Variants in SORBS2 observed in about 807,000 individuals in gnomAD.
The protein encoded by SORBS2 is sorbin and SH3 domain containing 2, also known as sorbin and SH3 domain-containing protein 2.
Under a neutral mutation model 97.7 loss-of-function variants are expected in SORBS2, and 46 were observed. That is an observed-to-expected ratio of 0.47 (90% confidence interval 0.37 to 0.60). The LOEUF is 0.60. Ranked by LOEUF, SORBS2 falls within the 20% of genes least tolerant of loss-of-function variation. SORBS2 has a pLI of 0.00. For missense variants in SORBS2, 1,316 were observed against 1,282.3 expected (o/e 1.03, Z -0.40); for synonymous variants, 476 against 473.4 (o/e 1.01, Z -0.07).
At chr4:185,624,318 T>C (rs2096772968) in exon 7 of SORBS2, 1 of 1,614,078 alleles carries the variant, frequency 6.2e-7, no homozygotes, top group South Asian at 1.1e-5. Context: ...CTGCTCCAGA[T>C]TTCTGCGTTT....
At position 185,607,475 on chromosome 4, in the gene SORBS2, G is replaced by A. The variant is rs1436057705; in HGVS notation, c.2796+4305C>T. 2 of 411,872 alleles carry A rather than the reference G, an allele frequency of 4.9e-6. No homozygotes were observed. Among genetic ancestry groups the A allele is most frequent in the Admixed American group, 7.4e-5 (2 of 27,160 alleles). 25.5% of individuals were successfully genotyped at this position (411,872 alleles called of 1,614,324 possible). A position where few individuals can be genotyped will look rare whatever the true frequency, so the allele number is the denominator to read the frequency against. The stretch of plus-strand genomic sequence containing the variant: ...GTGGTGAATATGAAAATAATTTTAT[G>A]TTTAACATAGATTTGAAGACATTTA... On this transcript the variant is annotated intron_variant, in intron 12 of 14. Coordinates refer to ENST00000418609, the Ensembl canonical transcript of SORBS2. The surrounding 1 kb of genome is among the most constrained non-coding windows in gnomAD (Gnocchi z 5.2).
At position 185,726,820 on chromosome 4, in the gene SORBS2, A is replaced by C. The variant is rs149339937; in HGVS notation, c.-197-47998T>G. 7.7e-4 allele frequency among the ~76,000 whole-genome samples: 117 copies of C among 152,268 alleles called. 2 individuals carry two copies. The East Asian group carries it at 0.021, about 27-fold the overall frequency. On this transcript the variant is annotated intron_variant, in intron 2 of 20. Coordinates refer to the SORBS2 transcript ENST00000284776. ...ATATAGTATGGAAGCCTGGACATAAACCAGGGATTTCAGAAATAGAAGCTA... is the reference window on the plus strand; with the variant it reads ...ATATAGTATGGAAGCCTGGACATAACCCAGGGATTTCAGAAATAGAAGCTA...
At chr4:185,626,523 G>A (rs1256131994) in intron 6 of SORBS2, among the ~76,000 whole-genome samples, 8 of 152,188 alleles carry the variant, frequency 5.3e-5, no homozygotes, top group Non-Finnish European at 1.0e-4. Context: ...ATATGTCAAT[G>A]TTTACAAAAT....
At chr4:185,755,100 G>A (rs34770129) in intron 2 of SORBS2, among the ~76,000 whole-genome samples, 14,774 of 152,280 alleles carry the variant, frequency 0.097, 941 homozygotes, top group Non-Finnish European at 0.14. Flanking sequence ...GCAGAATGCC[G>A]ATTGGAAATA....
At chr4:185,588,618 T>TCCTCCCTCCTCCTCCTCCTC (rs2095847736) in intron 14 of SORBS2, among the ~76,000 whole-genome samples, 1 of 146,016 alleles carries the variant, frequency 6.8e-6, no homozygotes, top group African/African-American at 2.5e-5. Flanking sequence ...CTCCTCCTCC[T>TCCTCCCTCCTCCTCCTCCTC]CCTCCTTGTT....
intron 1 of SORBS2, among the ~76,000 whole-genome samples, chr4:185,868,159 C>CTTTTTTTTTTTTTTTTTTTTTTTTTTTT (rs112680775): frequency 8.6e-5 from 9 of 105,222 alleles, no homozygotes; most frequent in African/African-American, 1.2e-4. Flanking sequence ...TTTTTTCTTT[C>CTTTTTTTTTTTTTTTTTTTTTTTTTTTT]TTTTTTTTTT....
At chr4:185,898,390 C>T (rs2099246030) in intron 1 of SORBS2, among the ~76,000 whole-genome samples, 1 of 152,192 alleles carries the variant, frequency 6.6e-6, no homozygotes, top group Non-Finnish European at 1.5e-5. Flanking sequence ...AAGGCTCAAA[C>T]TAGCACCATG....
Position 185,695,082 on chromosome 4 carries a change from A to G in SORBS2, c.-197-16260T>C, listed in dbSNP as rs77665806. 7.7e-3 allele frequency among the ~76,000 whole-genome samples: 1,178 copies of G among 152,134 alleles called. 17 individuals carry two copies. Among genetic ancestry groups the G allele is most frequent in the African/African-American group, 0.027 (1,101 of 41,484 alleles). ...AGAGCAGGCTGTGTTCTCAATACGT[A>G]TAAGAGAATAGAATGGGTAATTTAA... is the stretch of plus-strand genomic sequence containing the variant. On this transcript the variant is annotated intron_variant, in intron 2 of 20. Coordinates refer to the SORBS2 transcript ENST00000284776.
intron 1 of SORBS2, among the ~76,000 whole-genome samples, chr4:185,930,398 T>C (rs536575074): frequency 6.6e-6 from 1 of 152,072 alleles, no homozygotes; most frequent in Non-Finnish European, 1.5e-5. Flanking sequence ...GGGTTCACGC[T>C]ATTCTCCTGC....
chr4:185,774,706 A>AC (rs11463205), intron 2 of SORBS2: 74,472 of 151,612 alleles, frequency 0.49, 19,835 homozygotes, highest in African/African-American at 0.69. Flanking sequence ...CAAAAACAAA[A>AC]CCCCCAGATT....
chr4:185,762,104 G>C (rs2098897799), intron 2 of SORBS2, among the ~76,000 whole-genome samples: 1 of 152,210 alleles, frequency 6.6e-6, no homozygotes, highest in African/African-American at 2.4e-5. Flanking sequence ...GCAATAGCCT[G>C]TGAACTAGGA....
chr4:185,841,949 C>A (rs540059279), intron 1 of SORBS2, among the ~76,000 whole-genome samples: 24 of 152,282 alleles, frequency 1.6e-4, no homozygotes, highest in East Asian at 7.7e-4. Context: ...AAAATTAATT[C>A]ATTCATTCAG....
intron 6 of SORBS2, among the ~76,000 whole-genome samples, chr4:185,626,048 C>T (rs1186183332): frequency 6.6e-6 from 1 of 152,230 alleles, no homozygotes; most frequent in Non-Finnish European, 1.5e-5. Context: ...CCTGTAGGGG[C>T]TGGTTCAATC....
intron 2 of SORBS2, among the ~76,000 whole-genome samples, chr4:185,767,236 G>C (rs1010271891): frequency 5.5e-4 from 84 of 151,868 alleles, no homozygotes; most frequent in Admixed American, 4.0e-3. Flanking sequence ...CGGTGGCTCA[G>C]GCCTGTAATC....
intron 1 of SORBS2, among the ~76,000 whole-genome samples, chr4:185,946,246 A>G (rs2099274500): frequency 6.6e-6 from 1 of 152,094 alleles, no homozygotes; most frequent in Middle Eastern, 3.2e-3. Flanking sequence ...ACATGAGTAG[A>G]TGTGTGTTTT....
In SORBS2 at chr4:185,649,667, A is replaced by G. The variant is rs1033851417; in HGVS notation, c.92-11T>C. On this transcript the variant is annotated splice_polypyrimidine_tract_variant and intron_variant, in intron 2 of 14. Coordinates refer to ENST00000418609, the Ensembl canonical transcript of SORBS2. ...GTGGGTTGTACAGACCTATCATGAC[A>G]AAAAACAAAAGCAGACAAAAAACAG... The G allele has an allele frequency of 1.5e-6, 2 of 1,356,194 alleles. No individual in the cohort carries two copies. Among genetic ancestry groups the G allele is most frequent in the African/African-American group, 3.0e-5 (2 of 66,800 alleles). The allele number at this position is 1,356,194 out of a possible 1,614,324, so 84.0% of individuals were successfully genotyped here.
intron 2 of SORBS2, among the ~76,000 whole-genome samples, chr4:185,699,614 AGG>A (rs2098230502): frequency 6.6e-6 from 1 of 152,128 alleles, no homozygotes; most frequent in Non-Finnish European, 1.5e-5. Flanking sequence ...GTACATCTTA[AGG>A]CAGTTTGATT....
intron 1 of SORBS2, among the ~76,000 whole-genome samples, chr4:185,834,457 A>C (rs972206882): frequency 2.6e-5 from 4 of 152,170 alleles, no homozygotes; most frequent in Admixed American, 1.3e-4. Flanking sequence ...TAAGAGCAAA[A>C]AAAAATATAC....
At chr4:185,605,339 G>C (rs116286998) in intron 12 of SORBS2, among the ~76,000 whole-genome samples, 230 of 152,348 alleles carry the variant, frequency 1.5e-3, no homozygotes, top group African/African-American at 5.3e-3. Flanking sequence ...ACGGAGTGCA[G>C]TGGCACAACT....
Sources: allele counts gnomAD v4.1 joint callset (sites outside exome capture counted in the v4.1 genomes callset), GRCh38; gene constraint gnomAD v4.1.1; non-coding constraint Gnocchi (gnomAD v3.1); transcripts MANE v1.5; gene names NCBI Gene and HGNC (gene_info 2026-07-23, HGNC 2026-07-21).